The following AK6 variants were observed in gnomAD, a reference collection of about 807,000 sequenced individuals.
The protein encoded by AK6 is adenylate kinase 6, also known as adenylate kinase isoenzyme 6.
In AK6, 24 loss-of-function variants were observed where a neutral mutation model predicts 23.7. The ratio of observed to expected loss-of-function variants is 1.01; its 90% confidence interval spans 0.73 to 1.43. The LOEUF is 1.43. AK6 is among the 40% of genes most tolerant of loss of function. The pLI, the probability that AK6 is intolerant of heterozygous loss-of-function variation, is 0.00. For synonymous variants in AK6, 73 were observed against 69.8 expected (o/e 1.05, Z -0.23); for missense variants, 191 against 199.1 (o/e 0.96, Z 0.24).
At chr5:69,366,931 G>T (rs1208282577) in intron 1 of AK6, 1 of 236,248 alleles carries the variant, frequency 4.2e-6, no homozygotes, top group Non-Finnish European at 8.5e-6. Context: ...GCTAATTTTT[G>T]TATTTTCAGT....
intron 4 of AK6, among the ~76,000 whole-genome samples, chr5:69,355,185 A>G (rs557273529): frequency 6.6e-6 from 1 of 152,308 alleles, no homozygotes; most frequent in South Asian, 2.1e-4. Context: ...CAGTTGAGAT[A>G]TTAATTTACT....
At chr5:69,353,924 C>T (rs1338231038) in intron 4 of AK6, among the ~76,000 whole-genome samples, 1 of 120,546 alleles carries the variant, frequency 8.3e-6, no homozygotes, top group Non-Finnish European at 1.8e-5. Flanking sequence ...TGCATGCCAC[C>T]ACACTTGGCT....
rs200949839 is a variant in AK6 at position 69,361,699 on chromosome 5, G to A, written c.121+4804C>T. Among the ~76,000 whole-genome samples the A allele has an allele frequency of 1.5e-4, 23 of 151,838 alleles. No homozygotes were observed. In the East Asian group the frequency reaches 3.9e-3, roughly 26 times the overall value. ...GGGTCACCGCAGCCTCCGCCTAACG[G>A]GTTCAAGTGATTCTCCTGTCTCAGC... On this transcript the variant is annotated intron_variant, in intron 2 of 4. Coordinates refer to ENST00000380822, the MANE Select transcript of AK6 (RefSeq NM_016283.5).
intron 2 of AK6, chr5:69,365,505 C>T (rs770789569): frequency 2.7e-5 from 43 of 1,613,734 alleles, no homozygotes; most frequent in South Asian, 4.4e-5. Context: ...CTGATCAGCG[C>T]GGCACTGGAT....
intron 2 of AK6, chr5:69,365,640 G>A: frequency 1.2e-6 from 2 of 1,613,760 alleles, no homozygotes; most frequent in South Asian, 2.2e-5. Context: ...TATAACTCTT[G>A]GCTCATATTC....
chr5:69,361,323 G>A (rs753030567), intron 2 of AK6, among the ~76,000 whole-genome samples: 13 of 151,938 alleles, frequency 8.6e-5, no homozygotes, highest in African/African-American at 1.9e-4. Flanking sequence ...GGGTTTCACC[G>A]TGTTAGCCAG....
At chr5:69,354,663 T>C (rs1762035180) in intron 4 of AK6, among the ~76,000 whole-genome samples, 1 of 152,228 alleles carries the variant, frequency 6.6e-6, no homozygotes, top group Admixed American at 6.5e-5. Context: ...TATTAAAGAC[T>C]GTGAAATGCT....
At chr5:69,369,788 C>T (rs554229268), upstream of AK6, 74 of 1,394,172 alleles carry the variant, frequency 5.3e-5, 2 homozygotes, top group Middle Eastern at 7.1e-4. Flanking sequence ...TTCGCTTGCG[C>T]CGACCAGTCT....
chr5:69,369,534 T>C, upstream of AK6: 2 of 1,611,270 alleles, frequency 1.2e-6, no homozygotes. Flanking sequence ...CACGTGCCCT[T>C]TGCTCTACAG....
intron 2 of AK6, among the ~76,000 whole-genome samples, chr5:69,356,695 G>A (rs1762093018): frequency 6.6e-6 from 1 of 152,018 alleles, no homozygotes; most frequent in Non-Finnish European, 1.5e-5. Context: ...CTTTATTCCA[G>A]AAATGAACCC....
intron 4 of AK6, among the ~76,000 whole-genome samples, chr5:69,354,839 TG>T (rs1561213119): frequency 6.6e-6 from 1 of 152,202 alleles, no homozygotes; most frequent in African/African-American, 2.4e-5. Flanking sequence ...TTCTTTTTTT[TG>T]TTTGAGACGG....
chr5:69,360,416 G>A (rs1017633286), intron 2 of AK6, among the ~76,000 whole-genome samples: 3 of 152,158 alleles, frequency 2.0e-5, no homozygotes. Flanking sequence ...GTATAGTCAA[G>A]GATGCTTTCA....
chr5:69,352,251 C>T lies in AK6; in HGVS notation c.329G>A (p.Gly110Asp). Residue 110 changes from glycine to aspartate, a missense_variant and splice_region_variant, in exon 5 of 5, where the codon GGT (glycine) becomes GAT (aspartate). Physicochemically the swap from Gly to Asp is moderately conservative, Grantham distance 94 (BLOSUM62 -1). Transcript: ENST00000380822. ...GTCTGTTAGTTTCTTCTCATTATAA[C>T]CCCTAGAAGGCAGGGAGGTTAAGCA... ...NVLYERLETR[G>D]YNEKKLTDNI... is the part of the protein sequence containing the mutation. 6.2e-7 allele frequency: 1 copy of T among 1,607,330 alleles called. No individual in the cohort carries two copies. The highest frequency in any genetic ancestry group is 8.5e-7 in the Non-Finnish European group (1 of 1,176,382).
intron 2 of AK6, among the ~76,000 whole-genome samples, chr5:69,357,116 T>C (rs1291520087): frequency 6.6e-6 from 1 of 152,164 alleles, no homozygotes; most frequent in Admixed American, 6.5e-5. Context: ...AAAATGAACA[T>C]AAATTCTGAA....
chr5:69,354,525 C>G (rs1386928958), intron 4 of AK6, among the ~76,000 whole-genome samples: 3 of 152,158 alleles, frequency 2.0e-5, no homozygotes, highest in Non-Finnish European at 4.4e-5. Context: ...TCTAATTTCT[C>G]TAGAATCCCC....
At chr5:69,354,841 T>C (rs1247266246) in intron 4 of AK6, among the ~76,000 whole-genome samples, 1 of 152,170 alleles carries the variant, frequency 6.6e-6, no homozygotes, top group African/African-American at 2.4e-5. Context: ...CTTTTTTTTG[T>C]TTGAGACGGA....
In AK6 at chr5:69,351,515, T is replaced by C. The variant is rs1319499580; in HGVS notation, c.*546A>G. On this transcript the variant is annotated 3_prime_UTR_variant, in exon 5 of 5. Transcript: ENST00000380822. ...TTTAAAAAATGTACACATGTACATA[T>C]ACACTGTGCAGGCATAAAACCTCTA... The C allele has an allele frequency of 2.0e-5, 3 of 152,314 alleles. No homozygotes were observed. Among genetic ancestry groups the C allele is most frequent in the African/African-American group, 7.2e-5 (3 of 41,442 alleles). The allele number at this position is 152,314 out of a possible 1,614,324, so 9.4% of individuals were successfully genotyped here. A position where few individuals can be genotyped will look rare whatever the true frequency, so the allele number is the denominator to read the frequency against.
At position 69,366,573 on chromosome 5, in the gene AK6, G is replaced by A; in HGVS notation, c.51C>T (p.Thr17=). 6.2e-7 allele frequency: 1 copy of A among 1,613,932 alleles called. No homozygotes were observed. Among genetic ancestry groups the A allele is most frequent in the Non-Finnish European group, 8.5e-7 (1 of 1,179,938 alleles). ...TTGACGCAAGTTCTTTGCCTAGTGT[G>A]GTTTTTCCAACCCCTGGTGTACCTG... ...LLTGTPGVGK[T]TLGKELASKS... Residue 17 remains threonine, a synonymous_variant, in exon 2 of 5, where the codon ACC becomes ACT. Transcript: ENST00000380822.
chr5:69,361,881 A>G (rs1246178035), intron 2 of AK6, among the ~76,000 whole-genome samples: 1 of 151,028 alleles, frequency 6.6e-6, no homozygotes, highest in Non-Finnish European at 1.5e-5. Flanking sequence ...TGCTAGGATT[A>G]CAGGCATGAG....
Sources: gnomAD v4.1 joint callset for allele counts (sites outside exome capture counted in the v4.1 genomes callset) on GRCh38, gnomAD v4.1.1 for gene constraint, MANE v1.5 for transcripts, NCBI Gene and HGNC (gene_info 2026-07-23, HGNC 2026-07-21) for gene names.